Variants in PTPRB observed in about 807,000 individuals in gnomAD.
The protein encoded by PTPRB is receptor-type tyrosine-protein phosphatase beta.
In PTPRB, 97 loss-of-function variants were observed where a neutral mutation model predicts 238.1. That is an observed-to-expected ratio of 0.41 (90% confidence interval 0.35 to 0.48). PTPRB has a LOEUF of 0.48. PTPRB is among the 20% of genes least tolerant of loss of function. The pLI is 0.30. For missense variants in PTPRB, 2,292 were observed against 2,681.9 expected (o/e 0.85, Z 3.21); for synonymous variants, 970 against 995.4 (o/e 0.97, Z 0.48).
intron 9 of PTPRB, among the ~76,000 whole-genome samples, chr12:70,586,612 A>G (rs1421532615): frequency 6.6e-6 from 1 of 152,158 alleles, no homozygotes; most frequent in Non-Finnish European, 1.5e-5. Flanking sequence ...ACTTTACATC[A>G]TCATGATTTC....
chr12:70,624,387 G>A (rs1306480636), intron 2 of PTPRB, among the ~76,000 whole-genome samples: 1 of 151,930 alleles, frequency 6.6e-6, no homozygotes, highest in African/African-American at 2.4e-5. Context: ...GTTTCTGTTT[G>A]TTTTTGCCTT....
chr12:70,609,162 A>G lies in PTPRB; in HGVS notation c.886T>C (p.Tyr296His). ...TGTAAATCTTGAAGGTTACATCCGT[A>G]TGTGGTGTTGTCTATCCGAAAGGTA... The part of the protein sequence containing the change: ...CPTFRIDNTT[Y>H]GCNLQDLQAG... The change falls in exon 4 of 34, where the codon TAC becomes CAC. Residue 296 changes from tyrosine (Y) to histidine (H), a missense_variant. Coordinates refer to ENST00000334414, the MANE Select transcript of PTPRB (RefSeq NM_001109754.4). The G allele has an allele frequency of 6.2e-7, 1 of 1,614,018 alleles. No homozygotes were observed. Among genetic ancestry groups the G allele is most frequent in the South Asian group, 1.1e-5 (1 of 91,088 alleles).
chr12:70,614,180 A>G (rs1884581674), intron 3 of PTPRB, among the ~76,000 whole-genome samples: 1 of 152,200 alleles, frequency 6.6e-6, no homozygotes, highest in Non-Finnish European at 1.5e-5. Flanking sequence ...CTGGGGATAG[A>G]GCTCAATAAT....
At chr12:70,595,937 G>T in intron 5 of PTPRB, 112 bp downstream of exon 5, 3 of 1,024,802 alleles carry the variant, frequency 2.9e-6, no homozygotes, top group Non-Finnish European at 4.0e-6. Flanking sequence ...TTAACTAATT[G>T]CTAATTAATT....
chr12:70,579,450 G>T (rs1312359613), intron 10 of PTPRB, among the ~76,000 whole-genome samples: 1 of 152,142 alleles, frequency 6.6e-6, no homozygotes, highest in Non-Finnish European at 1.5e-5. Flanking sequence ...TGTGATCCCA[G>T]CCCTTTGGGA....
chr12:70,534,668 C>G lies in PTPRB; in HGVS notation c.6205-17G>C, dbSNP rs190128239. 2 of 1,609,716 alleles carry G rather than the reference C, an allele frequency of 1.2e-6. No individual in the cohort carries two copies. Among genetic ancestry groups the G allele is most frequent in the Admixed American group, 1.7e-5 (1 of 59,284 alleles). On this transcript the variant is annotated splice_polypyrimidine_tract_variant and intron_variant, in intron 30 of 33. Coordinates refer to ENST00000334414, the MANE Select transcript of PTPRB (RefSeq NM_001109754.4). ...CTGTTCCTCCTGTAAGAGCAGAGAG[C>G]AGGATAAAAGAGGAACTGTCCAATG...
intron 21 of PTPRB, among the ~76,000 whole-genome samples, chr12:70,551,189 C>T (rs961425056): frequency 7.2e-5 from 11 of 152,366 alleles, no homozygotes; most frequent in Admixed American, 5.2e-4. Context: ...AGCCTCCACG[C>T]CCAGCCGCAT....
chr12:70,619,667 C>T (rs1290239123), intron 3 of PTPRB, among the ~76,000 whole-genome samples: 1 of 152,172 alleles, frequency 6.6e-6, no homozygotes, highest in African/African-American at 2.4e-5. Flanking sequence ...CCAGCCTACA[C>T]CCAGCACTGA....
chr12:70,518,886 A>C lies in PTPRB; in HGVS notation c.*2603T>G, dbSNP rs925719754. The C allele has an allele frequency of 2.6e-5, 4 of 152,210 alleles. No homozygotes were observed. Among genetic ancestry groups the C allele is most frequent in the African/African-American group, 9.6e-5 (4 of 41,458 alleles). 9.4% of individuals were successfully genotyped at this position (152,210 alleles called of 1,614,324 possible). Reference sequence around the variant, plus strand: ...ATTAAAGTGTACTGCACAGGTACACAGACAGGATGCCCACCAAGACAGGAA... The same window carrying C: ...ATTAAAGTGTACTGCACAGGTACACCGACAGGATGCCCACCAAGACAGGAA... On this transcript the variant is annotated 3_prime_UTR_variant, in exon 34 of 34. Coordinates refer to ENST00000334414, the MANE Select transcript of PTPRB (RefSeq NM_001109754.4).
At chr12:70,549,735 T>C (rs1348655139) in intron 21 of PTPRB, among the ~76,000 whole-genome samples, 1 of 152,214 alleles carries the variant, frequency 6.6e-6, no homozygotes, top group East Asian at 1.9e-4. Flanking sequence ...TGTGGTTCTC[T>C]GATGTGCTTT....
intron 5 of PTPRB, among the ~76,000 whole-genome samples, chr12:70,595,141 C>T (rs1882877229): frequency 6.6e-6 from 1 of 152,094 alleles, no homozygotes; most frequent in African/African-American, 2.4e-5. Flanking sequence ...AGTTCATGTC[C>T]TTTGCAGGGA....
chr12:70,588,095 CAAAAAAA>C (rs10558140), intron 8 of PTPRB, among the ~76,000 whole-genome samples: 1 of 104,664 alleles, frequency 9.6e-6, no homozygotes, highest in East Asian at 3.0e-4. Flanking sequence ...GACTCTGTCT[CAAAAAAA>C]AAAAAAAAAA....
chr12:70,555,334 C>A (rs747235347), intron 19 of PTPRB, 25 bp from the exon 20 acceptor site: 1 of 1,596,866 alleles, frequency 6.3e-7, no homozygotes, highest in African/African-American at 1.3e-5. Flanking sequence ...GGGGAAGGAA[C>A]CAAGAGGGGT....
chr12:70,526,397 G>A (rs906921215), intron 32 of PTPRB, among the ~76,000 whole-genome samples: 1 of 152,100 alleles, frequency 6.6e-6, no homozygotes, highest in Non-Finnish European at 1.5e-5. Flanking sequence ...TTAGCGACAG[G>A]ATCTTGCTCT....
chr12:70,619,070 G>A (rs1884803018), intron 3 of PTPRB, among the ~76,000 whole-genome samples: 1 of 151,912 alleles, frequency 6.6e-6, no homozygotes, highest in Non-Finnish European at 1.5e-5. Context: ...AGGAGTGATT[G>A]CTGGATTTCA....
Position 70,559,586 on chromosome 12 carries a change from C to T in PTPRB, c.4471G>A (p.Ala1491Thr), listed in dbSNP as rs1315298147. Residue 1491 changes from alanine to threonine, a missense_variant, in exon 18 of 34, where the codon GCA (alanine) becomes ACA (threonine). By Grantham distance (58) the Ala-to-Thr change is moderately conservative. Transcript: ENST00000334414. ...CACGTGATGGCCAAGGATGTGTTTG[C>T]AATGTCAGCAAATGACATAAGACTG... ...PPSLMSFADI[A>T]NTSLAITWKG... 1.9e-6 allele frequency: 3 copies of T among 1,612,732 alleles called. No individual in the cohort carries two copies. The highest frequency in any genetic ancestry group is 1.3e-5 in the African/African-American group (1 of 74,876).
intron 21 of PTPRB, among the ~76,000 whole-genome samples, chr12:70,548,015 C>A (rs1287007660): frequency 6.6e-6 from 1 of 151,898 alleles, no homozygotes. Flanking sequence ...TTCCTCATGG[C>A]TTAATTTTTG....
intron 32 of PTPRB, among the ~76,000 whole-genome samples, chr12:70,528,819 T>G (rs1461724615): frequency 6.6e-6 from 1 of 152,170 alleles, no homozygotes; most frequent in Non-Finnish European, 1.5e-5. Flanking sequence ...GTCAGCTCCC[T>G]GGCTTGGGCA....
intron 2 of PTPRB, among the ~76,000 whole-genome samples, chr12:70,622,956 G>A (rs963025368): frequency 1.3e-5 from 2 of 150,780 alleles, no homozygotes; most frequent in African/African-American, 2.4e-5. Context: ...TTTAGGGGGG[G>A]GGTCACTGAA....
Sources: allele counts gnomAD v4.1 joint callset (sites outside exome capture counted in the v4.1 genomes callset), GRCh38; gene constraint gnomAD v4.1.1; transcripts MANE v1.5; gene names NCBI Gene and HGNC (gene_info 2026-07-23, HGNC 2026-07-21).